Variants in MLIP observed in about 807,000 individuals in gnomAD.
MLIP encodes the protein muscular LMNA-interacting protein.
Under a neutral mutation model 84.8 loss-of-function variants are expected in MLIP, and 79 were observed. That is an observed-to-expected ratio of 0.93 (90% CI 0.78 to 1.12). MLIP has a LOEUF of 1.12. Ranked by LOEUF, MLIP falls within the 50% of genes most tolerant of loss-of-function variation. The pLI is 0.00. For synonymous variants in MLIP, 504 were observed against 463.0 expected (o/e 1.09, Z -1.14); for missense variants, 1,257 against 1,160.6 (o/e 1.08, Z -1.21).
intron 1 of MLIP, among the ~76,000 whole-genome samples, chr6:54,081,442 A>T (rs1280937): frequency 1 from 152,192 of 152,246 alleles, 76,069 homozygotes; most frequent in Non-Finnish European, 1. Flanking sequence ...AGTTTCGTTT[A>T]TGTCGCCCAG....
At chr6:54,022,921 A>C (rs1158299136) in intron 1 of MLIP, among the ~76,000 whole-genome samples, 3 of 152,168 alleles carry the variant, frequency 2.0e-5, no homozygotes, top group African/African-American at 7.2e-5. Flanking sequence ...TAATCCCAGC[A>C]CTTTAGGAGG....
chr6:54,162,746 C>T (rs1774779478), intron 8 of MLIP, among the ~76,000 whole-genome samples: 1 of 151,840 alleles, frequency 6.6e-6, no homozygotes, highest in South Asian at 2.1e-4. Context: ...CAATTTTAGA[C>T]AAGGATGAGT....
intron 4 of MLIP, among the ~76,000 whole-genome samples, chr6:54,148,264 G>A (rs1000526185): frequency 6.6e-6 from 1 of 152,086 alleles, no homozygotes; most frequent in African/African-American, 2.4e-5. Flanking sequence ...ACCCAGAGCA[G>A]TATCAAAACT....
At chr6:54,118,292 A>G (rs777570816) in intron 1 of MLIP, among the ~76,000 whole-genome samples, 1 of 152,208 alleles carries the variant, frequency 6.6e-6, no homozygotes, top group Non-Finnish European at 1.5e-5. Flanking sequence ...ATAGTAACCA[A>G]AATAGCATGA....
At chr6:54,159,906 A>G (rs550703348) in intron 5 of MLIP, among the ~76,000 whole-genome samples, 1 of 152,216 alleles carries the variant, frequency 6.6e-6, no homozygotes, top group African/African-American at 2.4e-5. Context: ...TGGAGGCATC[A>G]CACTCCCTGA....
intron 1 of MLIP, among the ~76,000 whole-genome samples, chr6:54,086,180 A>G (rs371021905): frequency 2.0e-5 from 3 of 152,214 alleles, no homozygotes; most frequent in Non-Finnish European, 4.4e-5. Context: ...GCTAGGTAAT[A>G]CGATTCAATC....
intron 12 of MLIP, among the ~76,000 whole-genome samples, chr6:54,241,592 C>CT (rs1376652667): frequency 6.6e-6 from 1 of 151,868 alleles, no homozygotes; most frequent in Non-Finnish European, 1.5e-5. Flanking sequence ...TTATGATTTC[C>CT]TTTTTTAAAA....
Position 54,103,171 on chromosome 6 carries a change from G to A in MLIP, c.64-18276G>A, listed in dbSNP as rs189142772. 1.1e-4 allele frequency among the ~76,000 whole-genome samples: 16 copies of A among 152,116 alleles called. No individual in the cohort carries two copies. The East Asian group carries it at 2.7e-3, about 26-fold the overall frequency. ...CCATTTTAAAAAGATAACACAATAA[G>A]CCCCTCATCTTGTCCCAACCTCTAA... On this transcript the variant is annotated intron_variant, in intron 1 of 12. Transcript: ENST00000274897.
rs927457058 is a variant in MLIP at position 54,137,290 on chromosome 6, A to C, written c.1221A>C (p.Lys407Asn). 6.5e-7 allele frequency: 1 copy of C among 1,535,846 alleles called. No individual in the cohort carries two copies. The highest frequency in any genetic ancestry group is 1.4e-5 in the African/African-American group (1 of 72,972). Residue 407 changes from lysine to asparagine, a missense_variant, in exon 4 of 14, where the codon AAA becomes AAC. Transcript: ENST00000502396. ...SSGNLSKSGVKSPVPSRLALL... is the reference protein window; with the variant it reads ...SSGNLSKSGVNSPVPSRLALL... ...GAAATCTTTCAAAGTCAGGGGTAAA[A>C]TCCCCGGTGCCTTCCCGGCTTGCCC...
chr6:54,186,973 A>C (rs1012750563), intron 9 of MLIP, among the ~76,000 whole-genome samples: 1 of 152,200 alleles, frequency 6.6e-6, no homozygotes, highest in Non-Finnish European at 1.5e-5. Context: ...CTATTGCATA[A>C]TTCTATAACC....
At chr6:54,108,596 A>G (rs1222872075), upstream of MLIP, among the ~76,000 whole-genome samples, 5 of 152,240 alleles carry the variant, frequency 3.3e-5, no homozygotes, top group Non-Finnish European at 7.3e-5. Flanking sequence ...TATAAGAAAT[A>G]GTCTATAACA....
At chr6:54,165,770 T>G (rs936174925) in intron 8 of MLIP, among the ~76,000 whole-genome samples, 8 of 151,904 alleles carry the variant, frequency 5.3e-5, no homozygotes, top group Non-Finnish European at 1.0e-4. Flanking sequence ...GTCTGAATAT[T>G]TGTGCCCCAC....
chr6:54,210,011 A>G (rs1219940283), intron 11 of MLIP, among the ~76,000 whole-genome samples: 2 of 149,026 alleles, frequency 1.3e-5, no homozygotes, highest in African/African-American at 4.9e-5. Context: ...AATTAACTAT[A>G]CAGTTAATGG....
chr6:54,216,864 T>C, intron 11 of MLIP: 1 of 984,730 alleles, frequency 1.0e-6, no homozygotes, highest in Non-Finnish European at 1.2e-6. Context: ...CATAGTAACA[T>C]GAGGTTTTTG....
At chr6:54,211,062 A>C (rs1779416605) in intron 11 of MLIP, among the ~76,000 whole-genome samples, 1 of 152,040 alleles carries the variant, frequency 6.6e-6, no homozygotes, top group Admixed American at 6.6e-5. Flanking sequence ...AACATGGTGA[A>C]ACCCCATCTC....
At chr6:54,173,269 A>G (rs1775952366) in intron 9 of MLIP, among the ~76,000 whole-genome samples, 1 of 151,794 alleles carries the variant, frequency 6.6e-6, no homozygotes. Context: ...TGATACTTCT[A>G]CATACTTGTA....
rs1008899405 is a variant in MLIP at position 54,057,191 on chromosome 6, G to C, written c.63+38100G>C. On this transcript the variant is annotated intron_variant, in intron 1 of 12. Transcript: ENST00000274897. ...ACATGCACAGCTAGTTGGCACCAGA[G>C]ATGGCATTTATCCACAAAACTCTGG... Among the ~76,000 whole-genome samples, 9 of 152,322 alleles carry C rather than the reference G, an allele frequency of 5.9e-5. No homozygotes were observed. The East Asian group carries it at 1.2e-3, about 20-fold the overall frequency.
At chr6:54,122,710 T>C (rs928834059) in intron 2 of MLIP, among the ~76,000 whole-genome samples, 2 of 152,188 alleles carry the variant, frequency 1.3e-5, no homozygotes, top group African/African-American at 2.4e-5. Context: ...ACAGCACTCA[T>C]TTACATAATA....
chr6:54,031,900 T>A (rs1483172304), intron 1 of MLIP, among the ~76,000 whole-genome samples: 1 of 152,158 alleles, frequency 6.6e-6, no homozygotes, highest in East Asian at 1.9e-4. Flanking sequence ...GATTACCCCC[T>A]ATAGTGTGGC....
Sources: gnomAD v4.1 joint callset for allele counts (sites outside exome capture counted in the v4.1 genomes callset) on GRCh38, gnomAD v4.1.1 for gene constraint, MANE v1.5 for transcripts, NCBI Gene and HGNC (gene_info 2026-07-23, HGNC 2026-07-21) for gene names.